Variants in TXNRD1 observed in about 807,000 individuals in gnomAD.
TXNRD1 encodes thioredoxin reductase 1.
TXNRD1 carries 57 observed loss-of-function variants against 80.3 expected under a neutral mutation model. The observed-to-expected ratio is 0.71, with a 90% CI of 0.57 to 0.89. The LOEUF is 0.89. Among genes scored for constraint, TXNRD1 ranks in the 40% least tolerant of loss-of-function variants. The pLI, the probability that TXNRD1 is intolerant of heterozygous loss-of-function variation, is 0.00. For missense variants in TXNRD1, 730 were observed against 803.0 expected (o/e 0.91, Z 1.10); for synonymous variants, 291 against 285.2 (o/e 1.02, Z -0.20).
intron 2 of TXNRD1, among the ~76,000 whole-genome samples, chr12:104,252,662 T>TATATATATATATATATATATATATA (rs756948232): frequency 2.6e-4 from 12 of 45,818 alleles, no homozygotes; most frequent in African/African-American, 6.8e-4. Flanking sequence ...TTATTATTTT[T>TATATATATATATATATATATATATA]TATATATATA....
At chr12:104,216,267 T>G (rs1768170994) in intron 1 of TXNRD1, among the ~76,000 whole-genome samples, 1 of 152,186 alleles carries the variant, frequency 6.6e-6, no homozygotes, top group Non-Finnish European at 1.5e-5. Flanking sequence ...GTGTTTCCAA[T>G]GAAAGGTTAC....
At chr12:104,232,002 A>T (rs886309593) in intron 1 of TXNRD1, among the ~76,000 whole-genome samples, 1 of 152,232 alleles carries the variant, frequency 6.6e-6, no homozygotes, top group Non-Finnish European at 1.5e-5. Flanking sequence ...GTAAAAACAA[A>T]TTATTATAGG....
chr12:104,306,765 C>G (rs1001235261), intron 4 of TXNRD1, among the ~76,000 whole-genome samples: 4 of 152,182 alleles, frequency 2.6e-5, no homozygotes, highest in South Asian at 2.1e-4. Context: ...TTTATAGTAG[C>G]AGTCATGGAA....
intron 3 of TXNRD1, chr12:104,287,411 G>C (rs2034009898): frequency 7.4e-6 from 12 of 1,613,812 alleles, no homozygotes; most frequent in Non-Finnish European, 1.0e-5. Flanking sequence ...GAGACAGTTT[G>C]CAGAACAGCG....
At chr12:104,309,755 A>G (rs2035059112) in intron 4 of TXNRD1, 2 of 1,520,284 alleles carry the variant, frequency 1.3e-6, no homozygotes, top group African/African-American at 2.7e-5. Flanking sequence ...TTTTTCCCCC[A>G]CAGTGCTTTG....
At position 104,229,799 on chromosome 12, in the gene TXNRD1, G is replaced by A. The variant is rs142103182; in HGVS notation, c.91+13906G>A. ...GTAGAGATGGGGTTGCACCATGTTG[G>A]TCAGGCTGGTCTTGAACTCCTGACC... On this transcript the variant is annotated intron_variant, in intron 1 of 16. Coordinates refer to ENST00000525566, the MANE Select transcript of TXNRD1 (RefSeq NM_001093771.3). Among the ~76,000 whole-genome samples the A allele has an allele frequency of 9.3e-3, 1,402 of 151,544 alleles. 9 individuals carry two copies. Among genetic ancestry groups the A allele is most frequent in the South Asian group, 0.016 (77 of 4,796 alleles).
In TXNRD1 at chr12:104,294,240, C is replaced by CG. The variant is rs886534443; in HGVS notation, c.414+5200_414+5201insG. Among the ~76,000 whole-genome samples, 130 of 123,734 alleles carry CG rather than the reference C, an allele frequency of 1.1e-3. 26 individuals are homozygous for CG. The highest frequency in any genetic ancestry group is 1.6e-3 in the South Asian group (5 of 3,046). The allele number at this position is 123,734 out of a possible 152,430, so 81.2% of individuals were successfully genotyped here. A position where few individuals can be genotyped will look rare whatever the true frequency, so the allele number is the denominator to read the frequency against. ...AAACTCCCCCGGGGAAAGGCCCCCCCCCCCGCCGCCGGCTTTCCCGGTCTG... is the reference window on the plus strand; with the variant it reads ...AAACTCCCCCGGGGAAAGGCCCCCCCGCCCCGCCGCCGGCTTTCCCGGTCTG... On this transcript the variant is annotated intron_variant, in intron 4 of 16. Coordinates refer to ENST00000525566, the MANE Select transcript of TXNRD1 (RefSeq NM_001093771.3).
intron 1 of TXNRD1, among the ~76,000 whole-genome samples, chr12:104,243,929 CTG>C (rs1230199073): frequency 6.6e-6 from 1 of 152,210 alleles, no homozygotes; most frequent in East Asian, 1.9e-4. Flanking sequence ...TCCTGGTTTA[CTG>C]TGAAATGCCA....
chr12:104,289,153 CGCTGGGAA>C, intron 4 of TXNRD1, 113 bp downstream of exon 4: 1 of 1,325,056 alleles, frequency 7.5e-7, no homozygotes, highest in Non-Finnish European at 1.0e-6. Flanking sequence ...CGGGACGCAG[CGCTGGGAA>C]ATGACGAAAA....
intron 4 of TXNRD1, among the ~76,000 whole-genome samples, chr12:104,292,777 T>G (rs893730892): frequency 3.3e-5 from 5 of 152,184 alleles, no homozygotes; most frequent in African/African-American, 1.2e-4. Flanking sequence ...GCTTTAATAT[T>G]ATTGTACATA....
rs1166958665 is a variant in TXNRD1, at chr12:104,294,241, C to A, written c.414+5201C>A. On this transcript the variant is annotated intron_variant, in intron 4 of 16. Coordinates refer to ENST00000525566, the MANE Select transcript of TXNRD1 (RefSeq NM_001093771.3). ...AACTCCCCCGGGGAAAGGCCCCCCC[C>A]CCCGCCGCCGGCTTTCCCGGTCTGC... 1.1e-4 allele frequency among the ~76,000 whole-genome samples: 14 copies of A among 124,706 alleles called. 5 individuals carry two copies. Among genetic ancestry groups the A allele is most frequent in the Non-Finnish European group, 1.6e-4 (9 of 56,786 alleles). 81.8% of individuals were successfully genotyped at this position (124,706 alleles called of 152,430 possible).
At chr12:104,223,657 G>A (rs1472706044) in intron 1 of TXNRD1, among the ~76,000 whole-genome samples, 3 of 152,158 alleles carry the variant, frequency 2.0e-5, no homozygotes, top group Non-Finnish European at 4.4e-5. Flanking sequence ...GGGAAGGGAG[G>A]GTGTGTCCAG....
intron 6 of TXNRD1, 32 bp from the exon 7 acceptor site, chr12:104,315,744 AG>A (rs1338492297): frequency 6.3e-7 from 1 of 1,593,762 alleles, no homozygotes; most frequent in East Asian, 2.3e-5. Flanking sequence ...CTTGGAAAGC[AG>A]GTTATAAACT....
chr12:104,269,399 C>CTTTTTTTTTTTT (rs71069741), intron 3 of TXNRD1, among the ~76,000 whole-genome samples: 1 of 120,452 alleles, frequency 8.3e-6, no homozygotes, highest in Non-Finnish European at 1.7e-5. Flanking sequence ...GTGTTTCTTT[C>CTTTTTTTTTTTT]TTTTTTTTTT....
chr12:104,321,247 G>A lies in TXNRD1; in HGVS notation c.1146G>A (p.Met382Ile), dbSNP rs1344370498. The A allele has an allele frequency of 6.2e-7, 1 of 1,613,824 alleles. No individual in the cohort carries two copies. Among genetic ancestry groups the A allele is most frequent in the Non-Finnish European group, 8.5e-7 (1 of 1,179,824 alleles). Residue 382 changes from methionine to isoleucine, a missense_variant, in exon 10 of 17, where the codon ATG (methionine) becomes ATA (isoleucine). Met to Ile is a conservative substitution (Grantham distance 10, BLOSUM62 1). Coordinates refer to ENST00000525566, the MANE Select transcript of TXNRD1 (RefSeq NM_001093771.3). ...SILLRGFDQD[M>I]ANKIGEHMEE... ...TTCTTAGAGGATTTGACCAGGACAT[G>A]GCCAACAAAATTGGTGAACACATGG...
At chr12:104,314,516 A>C (rs2035247390) in intron 6 of TXNRD1, among the ~76,000 whole-genome samples, 1 of 152,108 alleles carries the variant, frequency 6.6e-6, no homozygotes, top group African/African-American at 2.4e-5. Flanking sequence ...CAGAGGACTT[A>C]CTTTGAGCTG....
chr12:104,283,477 C>A (rs1243346969), intron 3 of TXNRD1, among the ~76,000 whole-genome samples: 1 of 151,866 alleles, frequency 6.6e-6, no homozygotes, highest in Non-Finnish European at 1.5e-5. Context: ...GCCTCGCACT[C>A]CTGACCTCGT....
chr12:104,316,032 A>T (rs1368773987), intron 7 of TXNRD1, 136 bp downstream of exon 7: 2 of 904,132 alleles, frequency 2.2e-6, no homozygotes, highest in Non-Finnish European at 3.2e-6. Context: ...GATGGATATA[A>T]TCACTGGAGT....
At chr12:104,245,875 C>T (rs544017971) in intron 1 of TXNRD1, among the ~76,000 whole-genome samples, 4 of 151,978 alleles carry the variant, frequency 2.6e-5, no homozygotes, top group African/African-American at 7.2e-5. Flanking sequence ...TTTGGGAGGC[C>T]GAGGCGGGCG....
Sources: allele counts gnomAD v4.1 joint callset (sites outside exome capture counted in the v4.1 genomes callset), GRCh38; gene constraint gnomAD v4.1.1; transcripts MANE v1.5; gene names NCBI Gene and HGNC (gene_info 2026-07-23, HGNC 2026-07-21).